PLD5: variants seen among roughly 807,000 people sequenced by gnomAD.
PLD5 encodes inactive phospholipase D5.
A neutral mutation model predicts 61.1 loss-of-function variants in PLD5; 36 were observed. The ratio of observed to expected loss-of-function variants is 0.59; its 90% CI spans 0.45 to 0.78. The LOEUF (loss-of-function observed/expected upper bound fraction) is 0.78, where lower values mean the gene tolerates loss of function less well. Ranked by LOEUF, PLD5 falls within the 30% of genes least tolerant of loss-of-function variation. PLD5 has a pLI of 0.00. For synonymous variants in PLD5, 243 were observed against 242.8 expected (o/e 1.00, Z -0.01); for missense variants, 515 against 644.4 (o/e 0.80, Z 2.17).
At chr1:242,319,351 T>G (rs1355568276) in intron 2 of PLD5, among the ~76,000 whole-genome samples, 1 of 150,530 alleles carries the variant, frequency 6.6e-6, no homozygotes, top group Non-Finnish European at 1.5e-5. Flanking sequence ...AGATTATATA[T>G]AGTCCCTATA....
intron 5 of PLD5, among the ~76,000 whole-genome samples, chr1:242,165,002 T>A (rs1666196260): frequency 6.6e-6 from 1 of 152,146 alleles, no homozygotes; most frequent in Non-Finnish European, 1.5e-5. Flanking sequence ...AAATTGATTA[T>A]CTTACAAAAG....
At chr1:242,475,285 C>T (rs992691416) in intron 1 of PLD5, among the ~76,000 whole-genome samples, 25 of 151,720 alleles carry the variant, frequency 1.6e-4, no homozygotes, top group South Asian at 8.3e-4. Context: ...TAGCTGGGCG[C>T]GGTGGCGGGC....
At chr1:242,367,296 T>G (rs1013105390) in intron 1 of PLD5, among the ~76,000 whole-genome samples, 4 of 152,100 alleles carry the variant, frequency 2.6e-5, no homozygotes, top group Non-Finnish European at 5.9e-5. Flanking sequence ...AAATTCAAAC[T>G]GCTATAATGT....
rs188052389 is a variant in PLD5, at chr1:242,506,267, A to T, written c.189+17821T>A. 3.1e-3 allele frequency among the ~76,000 whole-genome samples: 473 copies of T among 152,304 alleles called. 2 individuals are homozygous for T. The highest frequency in any genetic ancestry group is 0.011 in the African/African-American group (453 of 41,578). On this transcript the variant is annotated intron_variant, in intron 1 of 9. Coordinates refer to ENST00000536534, the MANE Select transcript of PLD5 (RefSeq NM_001372062.1). ...CTTAGTGATCTATATCTAGGAAATTAAACTTAAGTTACATATTATCTGTTC... is the reference window on the plus strand; with the variant it reads ...CTTAGTGATCTATATCTAGGAAATTTAACTTAAGTTACATATTATCTGTTC...
chr1:242,512,610 C>T (rs1668963831), intron 1 of PLD5, among the ~76,000 whole-genome samples: 1 of 152,108 alleles, frequency 6.6e-6, no homozygotes, highest in Admixed American at 6.5e-5. Context: ...CTCCTCCAGA[C>T]TAATGAAAAT....
At position 242,273,907 on chromosome 1, in the gene PLD5, C is replaced by T. The variant is rs115378252; in HGVS notation, c.496-8459G>A. 3.3e-4 allele frequency among the ~76,000 whole-genome samples: 50 copies of T among 152,208 alleles called. No homozygotes were observed. The Middle Eastern group carries it at 0.01, about 31-fold the overall frequency. On this transcript the variant is annotated intron_variant, in intron 3 of 9. Transcript: ENST00000536534. ...AGAAGCCACCAGGAGCTGGGAGAGC[C>T]GAGGAATGCTGGCAGGCTCTGGAGC...
intron 1 of PLD5, among the ~76,000 whole-genome samples, chr1:242,400,881 C>CACAGAGT (rs1663894017): frequency 6.6e-6 from 1 of 152,162 alleles, no homozygotes; most frequent in Non-Finnish European, 1.5e-5. Context: ...GAGTAAAAGC[C>CACAGAGT]ACAGAGTACA....
intron 1 of PLD5, among the ~76,000 whole-genome samples, chr1:242,441,720 G>A (rs1666283830): frequency 6.6e-6 from 1 of 151,920 alleles, no homozygotes; most frequent in Admixed American, 6.6e-5. Context: ...GAACACAGTG[G>A]GCCATCCTAG....
chr1:242,300,882 A>G (rs1017055631), intron 2 of PLD5, among the ~76,000 whole-genome samples: 12 of 152,126 alleles, frequency 7.9e-5, no homozygotes, highest in African/African-American at 2.9e-4. Flanking sequence ...TATGGAATAC[A>G]TTTTTAAGGT....
chr1:242,514,762 C>T (rs2654898), intron 1 of PLD5, among the ~76,000 whole-genome samples: 26,434 of 151,880 alleles, frequency 0.17, 2,381 homozygotes, highest in Middle Eastern at 0.21. Flanking sequence ...AATGGGATAA[C>T]AGGGAAGGTT....
At chr1:242,233,262 A>G (rs1026369981) in intron 4 of PLD5, among the ~76,000 whole-genome samples, 1 of 152,200 alleles carries the variant, frequency 6.6e-6, no homozygotes, top group Non-Finnish European at 1.5e-5. Context: ...TTGGTCAGGT[A>G]TCTGTGACAG....
At chr1:242,322,275 T>C (rs1158139251) in intron 2 of PLD5, among the ~76,000 whole-genome samples, 2 of 152,212 alleles carry the variant, frequency 1.3e-5, no homozygotes, top group Admixed American at 1.3e-4. Flanking sequence ...ACAGTCCTCC[T>C]GTTACTCATC....
chr1:242,164,879 T>TTTATGAGTTTCCTGCTG (rs371038658), intron 5 of PLD5, among the ~76,000 whole-genome samples: 1,744 of 152,166 alleles, frequency 0.011, 38 homozygotes, highest in East Asian at 0.059. Context: ...GTGCTTTTCT[T>TTTATGAGTTTCCTGCTG]TTATGAGTTT....
intron 3 of PLD5, among the ~76,000 whole-genome samples, chr1:242,272,062 A>C (rs1674122162): frequency 6.6e-6 from 1 of 152,222 alleles, no homozygotes; most frequent in East Asian, 1.9e-4. Flanking sequence ...CAGGAAGATA[A>C]TAATAAAAAA....
chr1:242,378,463 G>A (rs1442908372), intron 1 of PLD5, among the ~76,000 whole-genome samples: 1 of 152,162 alleles, frequency 6.6e-6, no homozygotes, highest in African/African-American at 2.4e-5. Context: ...CAACGTGAAT[G>A]TACTTAATAC....
At chr1:242,493,856 A>C (rs947917772) in intron 1 of PLD5, among the ~76,000 whole-genome samples, 2 of 152,212 alleles carry the variant, frequency 1.3e-5, no homozygotes, top group Admixed American at 6.5e-5. Flanking sequence ...AATAATATGC[A>C]CAACCGCTTT....
chr1:242,415,519 T>G (rs1664772840), intron 1 of PLD5, among the ~76,000 whole-genome samples: 1 of 151,154 alleles, frequency 6.6e-6, no homozygotes, highest in Non-Finnish European at 1.5e-5. Flanking sequence ...AGATTTTTTT[T>G]TTTTTTTTTT....
chr1:242,499,187 T>C (rs1345269466), intron 1 of PLD5, among the ~76,000 whole-genome samples: 2 of 152,234 alleles, frequency 1.3e-5, no homozygotes, highest in African/African-American at 4.8e-5. Flanking sequence ...GTTAATAAAA[T>C]AAGCCACTTT....
chr1:242,437,746 CAA>C (rs1666069533), intron 1 of PLD5, among the ~76,000 whole-genome samples: 1 of 152,134 alleles, frequency 6.6e-6, no homozygotes, highest in Non-Finnish European at 1.5e-5. Context: ...TCAGCTTCAT[CAA>C]TATCCTAAGT....
Sources: gnomAD v4.1 joint callset for allele counts (sites outside exome capture counted in the v4.1 genomes callset) on GRCh38, gnomAD v4.1.1 for gene constraint, MANE v1.5 for transcripts, NCBI Gene and HGNC (gene_info 2026-07-23, HGNC 2026-07-21) for gene names.